RIT2: variants seen among roughly 807,000 people sequenced by gnomAD.
The protein encoded by RIT2 is GTP-binding protein Rit2.
A neutral mutation model predicts 23.7 loss-of-function variants in RIT2; 24 were observed. The ratio of observed to expected loss-of-function variants is 1.01; its 90% CI spans 0.73 to 1.43. RIT2 has a LOEUF of 1.43. RIT2 is among the 40% of genes most tolerant of loss of function. The probability of loss-of-function intolerance (pLI) is 0.00; values close to 1 mark genes in which losing one functional copy is unlikely to be tolerated. For synonymous variants in RIT2, 107 were observed against 91.1 expected, an observed-to-expected ratio of 1.17 and a Z score of -0.99; for missense variants, 236 against 266.9, an observed-to-expected ratio of 0.88 and a Z score of 0.81.
At chr18:42,825,064 A>C (rs140458911) in intron 4 of RIT2, among the ~76,000 whole-genome samples, 92 of 152,044 alleles carry the variant, frequency 6.1e-4, no homozygotes, top group African/African-American at 2.1e-3. Context: ...TCATTAATCT[A>C]TTTAGTCAAA....
At chr18:42,766,951 G>A (rs1403233875) in intron 4 of RIT2, among the ~76,000 whole-genome samples, 1 of 152,212 alleles carries the variant, frequency 6.6e-6, no homozygotes, top group Non-Finnish European at 1.5e-5. Flanking sequence ...CAATAATTTA[G>A]GTTTGGGAGC....
intron 1 of RIT2, among the ~76,000 whole-genome samples, chr18:43,078,998 A>G (rs1017376786): frequency 6.6e-6 from 1 of 152,218 alleles, no homozygotes; most frequent in Admixed American, 6.5e-5. Flanking sequence ...GAGCCCTGTC[A>G]GATAAATTAC....
intron 1 of RIT2, among the ~76,000 whole-genome samples, chr18:43,108,358 G>C (rs1304665556): frequency 6.6e-6 from 1 of 152,054 alleles, no homozygotes; most frequent in African/African-American, 2.4e-5. Flanking sequence ...GTGTGTGTGT[G>C]TGTGTGTGTG....
At chr18:43,025,215 AC>A (rs1236424885) in intron 2 of RIT2, among the ~76,000 whole-genome samples, 5 of 148,074 alleles carry the variant, frequency 3.4e-5, no homozygotes, top group African/African-American at 1.0e-4. Context: ...TCTAAAAAAA[AC>A]AAAACAAAAC....
chr18:42,796,384 G>A (rs1249342219), intron 4 of RIT2, among the ~76,000 whole-genome samples: 3 of 152,110 alleles, frequency 2.0e-5, no homozygotes, highest in East Asian at 3.9e-4. Flanking sequence ...AACTCCAGAC[G>A]CACCACCTTA....
chr18:42,763,043 T>C (rs2143902942), intron 4 of RIT2, among the ~76,000 whole-genome samples: 1 of 152,340 alleles, frequency 6.6e-6, no homozygotes, highest in South Asian at 2.1e-4. Context: ...TATAGCCTAT[T>C]CTTCTAGGCT....
At chr18:43,017,563 G>T (rs531840572) in intron 2 of RIT2, among the ~76,000 whole-genome samples, 3 of 151,898 alleles carry the variant, frequency 2.0e-5, no homozygotes, top group Non-Finnish European at 4.4e-5. Flanking sequence ...ATCTGAAAAC[G>T]ATATTAAAAG....
intron 4 of RIT2, among the ~76,000 whole-genome samples, chr18:42,794,362 T>C (rs1390738433): frequency 6.6e-6 from 1 of 152,208 alleles, no homozygotes; most frequent in East Asian, 1.9e-4. Flanking sequence ...AAGTAGGCAA[T>C]ATCAACCTAG....
intron 4 of RIT2, among the ~76,000 whole-genome samples, chr18:42,835,264 T>C (rs1906563672): frequency 6.6e-6 from 1 of 152,052 alleles, no homozygotes; most frequent in Admixed American, 6.6e-5. Context: ...TGTGTAGCTA[T>C]GTAAGACAAC....
intron 4 of RIT2, among the ~76,000 whole-genome samples, chr18:42,848,748 T>A (rs1335578447): frequency 6.9e-6 from 1 of 144,498 alleles, no homozygotes; most frequent in Non-Finnish European, 1.5e-5. Flanking sequence ...CATTGTGAAG[T>A]TTTTTTTTAG....
intron 1 of RIT2, among the ~76,000 whole-genome samples, chr18:43,061,429 G>T (rs377253146): frequency 2.0e-5 from 3 of 152,002 alleles, no homozygotes; most frequent in Non-Finnish European, 4.4e-5. Flanking sequence ...TTCAGGGTTG[G>T]GTATGCTACA....
intron 4 of RIT2, among the ~76,000 whole-genome samples, chr18:42,859,687 A>G (rs1907275915): frequency 6.6e-6 from 1 of 152,104 alleles, no homozygotes; most frequent in South Asian, 2.1e-4. Context: ...TTACAATTTT[A>G]CCTTCTACAT....
intron 1 of RIT2, among the ~76,000 whole-genome samples, chr18:43,069,390 C>T (rs974150670): frequency 6.6e-6 from 1 of 152,138 alleles, no homozygotes; most frequent in Non-Finnish European, 1.5e-5. Context: ...GCGTGAGATC[C>T]AAGAACTCTC....
At chr18:43,080,149 T>A (rs916275527) in intron 1 of RIT2, among the ~76,000 whole-genome samples, 2 of 152,198 alleles carry the variant, frequency 1.3e-5, no homozygotes, top group Non-Finnish European at 2.9e-5. Context: ...AGGCCACCAA[T>A]CTATATTCAG....
intron 4 of RIT2, among the ~76,000 whole-genome samples, chr18:42,784,966 G>A (rs1342188050): frequency 6.6e-6 from 1 of 151,924 alleles, no homozygotes; most frequent in Non-Finnish European, 1.5e-5. Context: ...TAAAAGAACT[G>A]TTCTACTTTC....
intron 2 of RIT2, among the ~76,000 whole-genome samples, chr18:43,029,853 C>A (rs145841618): frequency 6.6e-6 from 1 of 152,066 alleles, no homozygotes; most frequent in African/African-American, 2.4e-5. Flanking sequence ...TTTTGTTAAT[C>A]ATTTTAGGTC....
intron 4 of RIT2, among the ~76,000 whole-genome samples, chr18:42,907,119 T>A (rs1014218401): frequency 1.3e-5 from 2 of 152,148 alleles, no homozygotes; most frequent in Admixed American, 6.6e-5. Flanking sequence ...TTAGAAAAAA[T>A]TTGTTTCTGA....
chr18:43,038,309 C>A (rs1415048703), intron 1 of RIT2, among the ~76,000 whole-genome samples: 1 of 117,578 alleles, frequency 8.5e-6, no homozygotes, highest in Non-Finnish European at 1.9e-5. Context: ...TTTATTGAAT[C>A]GTGGTTTTTT....
chr18:42,942,250 C>T (rs1330451022), intron 3 of RIT2, among the ~76,000 whole-genome samples: 1 of 152,090 alleles, frequency 6.6e-6, no homozygotes, highest in Admixed American at 6.6e-5. Flanking sequence ...CTGCTTTTTA[C>T]TGGCACACAG....
Sources: allele counts gnomAD v4.1 joint callset (sites outside exome capture counted in the v4.1 genomes callset), GRCh38; gene constraint gnomAD v4.1.1; transcripts MANE v1.5; gene names NCBI Gene and HGNC (gene_info 2026-07-23, HGNC 2026-07-21).